Variants in ATAD2 observed in about 807,000 individuals in gnomAD.
The protein encoded by ATAD2 is ATPase family AAA domain containing 2, also known as ATPase family AAA domain-containing protein 2.
In ATAD2, 62 loss-of-function variants were observed where a neutral mutation model predicts 168.9. That is an observed-to-expected ratio of 0.37 (90% CI 0.30 to 0.45). ATAD2 has a LOEUF of 0.45. Ranked by LOEUF, ATAD2 falls within the 20% of genes least tolerant of loss-of-function variation. The pLI is 1.00. For missense variants in ATAD2, 1,419 were observed against 1,667.8 expected, an observed-to-expected ratio of 0.85 and a Z score of 2.60; for synonymous variants, 613 against 571.6, an observed-to-expected ratio of 1.07 and a Z score of -1.03.
At chr8:123,327,857 C>T (rs1331989292) in intron 25 of ATAD2, among the ~76,000 whole-genome samples, 1 of 152,162 alleles carries the variant, frequency 6.6e-6, no homozygotes, top group Non-Finnish European at 1.5e-5. Flanking sequence ...TAGTTTGTTA[C>T]ATTTAATCTT....
chr8:123,329,765 A>T (rs1217062109), intron 24 of ATAD2, among the ~76,000 whole-genome samples: 1 of 148,342 alleles, frequency 6.7e-6, no homozygotes, highest in African/African-American at 2.5e-5. Context: ...AAAAAAAAAA[A>T]AAAAAAAAAA....
intron 13 of ATAD2, among the ~76,000 whole-genome samples, chr8:123,354,376 T>C (rs565508978): frequency 1.3e-5 from 2 of 152,136 alleles, no homozygotes; most frequent in Non-Finnish European, 2.9e-5. Flanking sequence ...AAGTTTTTGG[T>C]TAAAATAACT....
intron 1 of ATAD2, among the ~76,000 whole-genome samples, chr8:123,385,797 A>T (rs1232914734): frequency 1.3e-5 from 2 of 152,096 alleles, no homozygotes; most frequent in African/African-American, 4.8e-5. Flanking sequence ...ACACACACAT[A>T]TATACACGCA....
chr8:123,380,520 T>G lies in ATAD2; in HGVS notation c.320+9A>C. 1 of 1,613,070 alleles carries G rather than the reference T, an allele frequency of 6.2e-7. No individual in the cohort carries two copies. Among genetic ancestry groups the G allele is most frequent in the Non-Finnish European group, 8.5e-7 (1 of 1,179,424 alleles). ...TATTTTGAATTAGTGTTCAACCACC[T>G]TGTATTACCTTGTAAAATGCCTGCC... On this transcript the variant is annotated intron_variant, in intron 2 of 27. Transcript: ENST00000287394.
chr8:123,333,900 A>C lies in ATAD2; in HGVS notation c.3456T>G (p.Thr1152=). ...EQNEKLKTPS[T]PVACSTPAQL... ...TACCAGGAGTGCTGCAAGCCACAGG[A>C]GTACTCGGTGTCTTTAGCTTTTCAT... Residue 1152 remains threonine (T), a synonymous_variant, in exon 24 of 28, where the codon ACT becomes ACG. Transcript: ENST00000287394. 1 of 1,614,044 alleles carries C rather than the reference A, an allele frequency of 6.2e-7. No homozygotes were observed. Among genetic ancestry groups the C allele is most frequent in the Non-Finnish European group, 8.5e-7 (1 of 1,179,932 alleles).
intron 21 of ATAD2, among the ~76,000 whole-genome samples, chr8:123,337,331 C>G (rs552913944): frequency 6.6e-6 from 1 of 151,934 alleles, no homozygotes; most frequent in Admixed American, 6.6e-5. Context: ...CCATTGCATT[C>G]CAGCCCGGGC....
upstream of ATAD2, chr8:123,401,376 C>A: frequency 7.1e-7 from 1 of 1,408,202 alleles, no homozygotes; most frequent in Non-Finnish European, 1.0e-6. Flanking sequence ...AGGCGGGTGT[C>A]GACGTCATAG....
At chr8:123,399,932 G>A (rs983257587), upstream of ATAD2, among the ~76,000 whole-genome samples, 9 of 152,138 alleles carry the variant, frequency 5.9e-5, no homozygotes, top group African/African-American at 2.2e-4. Flanking sequence ...GGGAGGGCGA[G>A]GCAGGCAGAT....
intron 1 of ATAD2, among the ~76,000 whole-genome samples, chr8:123,389,027 C>T (rs543369631): frequency 7.3e-5 from 11 of 150,860 alleles, no homozygotes; most frequent in East Asian, 2.0e-4. Flanking sequence ...AGTGCAGTGG[C>T]GCGATCTTGG....
chr8:123,348,252 T>A lies in ATAD2; in HGVS notation c.1828A>T (p.Ile610Phe), dbSNP rs1173760070. The change falls in exon 15 of 28, where the codon ATT (isoleucine) becomes TTT (phenylalanine). Residue 610 changes from isoleucine to phenylalanine, a missense_variant. Around this residue, in one of 5 missense-constraint regions of ATAD2, gnomAD observed 545 missense variants for 724.9 expected, o/e 0.75. Coordinates refer to ENST00000287394, the MANE Select transcript of ATAD2 (RefSeq NM_014109.4). ...TTGGGATTCCAATCCCTGGTGTGAA[T>A]CTTTAGAATCTCTTTTCGAGCCTAT... The part of the protein sequence containing the change: ...DKEARKEILK[I>F]HTRDWNPKPL... 1 of 1,597,204 alleles carries A rather than the reference T, an allele frequency of 6.3e-7. No homozygotes were observed. The highest frequency in any genetic ancestry group is 1.8e-5 in the Admixed American group (1 of 55,468).
intron 2 of ATAD2, among the ~76,000 whole-genome samples, chr8:123,380,120 C>T (rs1829451325): frequency 1.3e-5 from 2 of 151,862 alleles, no homozygotes; most frequent in South Asian, 2.1e-4. Flanking sequence ...GGCGCGATCT[C>T]AGCTCACTGC....
At chr8:123,349,735 A>G (rs1586873191) in intron 13 of ATAD2, among the ~76,000 whole-genome samples, 1 of 152,162 alleles carries the variant, frequency 6.6e-6, no homozygotes, top group East Asian at 1.9e-4. Context: ...CAAACAATAT[A>G]TAACATCAAA....
intron 23 of ATAD2, 26 bp downstream of exon 23, chr8:123,334,174 A>G: frequency 6.4e-7 from 1 of 1,566,624 alleles, no homozygotes. Context: ...TTAGGTTGGT[A>G]CAAATCAACC....
intron 27 of ATAD2, among the ~76,000 whole-genome samples, chr8:123,321,920 A>G (rs563777313): frequency 2.0e-4 from 31 of 152,262 alleles, no homozygotes; most frequent in South Asian, 4.1e-4. Context: ...TCCTGTCTCA[A>G]AAATAAGTAT....
In ATAD2 at chr8:123,336,342, AC is replaced by A. The variant is rs752368676; in HGVS notation, c.3211+30del. 15 of 1,539,388 alleles carry A rather than the reference AC, an allele frequency of 9.7e-6. 1 individual carries two copies. In the South Asian group the frequency reaches 1.8e-4, roughly 18 times the overall value. On this transcript the variant is annotated intron_variant, in intron 22 of 27. Transcript: ENST00000287394. ...TAAGTGTTAGCTGCCCCCCAACTCA[AC>A]CCCCTGAAAAAAAATTCACTAATGC...
rs1004410749 is a variant in ATAD2, at chr8:123,409,722, C to T, written c.-2282+6526G>A. Among the ~76,000 whole-genome samples the T allele has an allele frequency of 8.6e-5, 13 of 151,970 alleles. 1 individual carries two copies. The highest frequency in any genetic ancestry group is 2.6e-4 in the Admixed American group (4 of 15,278). The stretch of plus-strand genomic sequence containing the variant: ...GGGGCTCGCGTCTGTAATCCCAGCA[C>T]TTTGGGAGGCTGAGGCAGGTGGATC... On this transcript the variant is annotated intron_variant, in intron 1 of 28. Transcript: ENST00000521903.
intron 1 of ATAD2, among the ~76,000 whole-genome samples, chr8:123,394,570 G>C (rs1430728661): frequency 6.6e-6 from 1 of 151,202 alleles, no homozygotes; most frequent in Non-Finnish European, 1.5e-5. Flanking sequence ...TGGAGGTTGA[G>C]GTTGCGGTGA....
rs1207317833 is a variant in ATAD2, at chr8:123,359,612, G to A, written c.1231C>T (p.Leu411Phe). 1 of 1,613,080 alleles carries A rather than the reference G, an allele frequency of 6.2e-7. No homozygotes were observed. Among genetic ancestry groups the A allele is most frequent in the Non-Finnish European group, 8.5e-7 (1 of 1,179,700 alleles). ...AGTTGCATTGGATCAACATCGGCAA[G>A]GCTTGCTCCAATTTTCATTCGATCT... ...YKDRMKIGAS[L>F]ADVDPMQLDS... The change falls in exon 10 of 28, where the codon CTT becomes TTT. Residue 411 changes from leucine (L) to phenylalanine (F), a missense_variant. Physicochemically the swap from Leu to Phe is conservative, Grantham distance 22 (BLOSUM62 0). This residue lies in a region of ATAD2 where 146 missense variants were observed against 188.3 expected (regional missense o/e 0.78). Transcript: ENST00000287394.
Position 123,356,495 on chromosome 8 carries a change from T to C in ATAD2, c.1558-18A>G, listed in dbSNP as rs771463781. The C allele has an allele frequency of 1.3e-6, 2 of 1,590,092 alleles. No homozygotes were observed. Among genetic ancestry groups the C allele is most frequent in the South Asian group, 1.1e-5 (1 of 89,172 alleles). ...TGATAGGCCTAGAAAGTAGGTGGAG[T>C]GGTCATTTGTTAGCATAAACAGCCT... On this transcript the variant is annotated intron_variant, in intron 12 of 27. Coordinates refer to ENST00000287394, the MANE Select transcript of ATAD2 (RefSeq NM_014109.4).
Sources: gnomAD v4.1 joint callset for allele counts (sites outside exome capture counted in the v4.1 genomes callset) on GRCh38, gnomAD v4.1.1 for gene constraint, gnomAD v4.1.1 regional missense constraint, MANE v1.5 for transcripts, NCBI Gene and HGNC (gene_info 2026-07-23, HGNC 2026-07-21) for gene names.